Variants in GRIK2 observed in about 807,000 individuals in gnomAD.
GRIK2 encodes the protein glutamate receptor ionotropic, kainate 2.
In GRIK2, 32 loss-of-function variants were observed where a neutral mutation model predicts 100.3. That is an observed-to-expected ratio of 0.32 (90% CI 0.24 to 0.43). GRIK2 has a LOEUF of 0.43. GRIK2 is among the 20% of genes least tolerant of loss of function. The pLI is 1.00. For synonymous variants in GRIK2, 417 were observed against 389.4 expected (o/e 1.07, Z -0.83); for missense variants, 843 against 1,114.9 (o/e 0.76, Z 3.47).
rs1554269634 is a variant in GRIK2, at chr6:101,823,869, T to TTG, written c.1317+5387_1317+5388insGT. Among the ~76,000 whole-genome samples the TTG allele has an allele frequency of 6.6e-5, 10 of 150,802 alleles. 1 individual carries two copies. In the South Asian group the frequency reaches 8.4e-4, roughly 13 times the overall value. The stretch of plus-strand genomic sequence containing the variant: ...TTTACATGAGTAAGTTCTGTTTTTT[T>TTG]TTTTTTGTTTTTTTTTTTGATGGAG... On this transcript the variant is annotated intron_variant, in intron 10 of 16. Coordinates refer to ENST00000369134, the MANE Select transcript of GRIK2 (RefSeq NM_021956.5).
intron 9 of GRIK2, among the ~76,000 whole-genome samples, chr6:101,808,904 C>T (rs1262873975): frequency 1.3e-5 from 2 of 151,110 alleles, no homozygotes; most frequent in Non-Finnish European, 3.0e-5. Context: ...GTTTGTGTAT[C>T]CTTTGGGAAA....
chr6:101,529,800 A>T (rs1398861370), intron 2 of GRIK2, among the ~76,000 whole-genome samples: 1 of 152,116 alleles, frequency 6.6e-6, no homozygotes. Flanking sequence ...GATGGAGATT[A>T]TTTCTAGCTG....
intron 6 of GRIK2, among the ~76,000 whole-genome samples, chr6:101,685,915 A>G (rs1395004234): frequency 6.6e-6 from 1 of 152,146 alleles, no homozygotes; most frequent in African/African-American, 2.4e-5. Flanking sequence ...CAAATCTTAG[A>G]TGTGAGTTGT....
intron 7 of GRIK2, among the ~76,000 whole-genome samples, chr6:101,729,743 A>G (rs1218881885): frequency 1.3e-5 from 2 of 151,926 alleles, no homozygotes; most frequent in Non-Finnish European, 2.9e-5. Context: ...TGCATAAAAG[A>G]TCAATCATAG....
chr6:102,006,835 G>T lies in GRIK2; in HGVS notation c.2086-28506G>T, dbSNP rs374928936. Among the ~76,000 whole-genome samples, 9 of 151,850 alleles carry T rather than the reference G, an allele frequency of 5.9e-5. 1 individual carries two copies. Among genetic ancestry groups the T allele is most frequent in the African/African-American group, 2.2e-4 (9 of 41,408 alleles). On this transcript the variant is annotated intron_variant, in intron 14 of 16. Coordinates refer to ENST00000369134, the MANE Select transcript of GRIK2 (RefSeq NM_021956.5). The stretch of plus-strand genomic sequence containing the variant: ...AAATCGCAAATAATCATATCTTATT[G>T]TTTGATATTACTATCATAATTATCA...
intron 2 of GRIK2, among the ~76,000 whole-genome samples, chr6:101,406,379 A>T (rs1226332471): frequency 6.6e-6 from 1 of 152,154 alleles, no homozygotes; most frequent in African/African-American, 2.4e-5. Flanking sequence ...TCTTTTCTGG[A>T]TTTAGTAGAA....
chr6:101,396,781 TTTAGAAGTTC>T (rs1375684731), intron 1 of GRIK2, among the ~76,000 whole-genome samples: 5 of 152,182 alleles, frequency 3.3e-5, no homozygotes, highest in Admixed American at 6.5e-5. Flanking sequence ...TCTCCAGTCT[TTTAGAAGTTC>T]AACTGGACAG....
intron 11 of GRIK2, among the ~76,000 whole-genome samples, chr6:101,883,174 AC>A (rs779623979): frequency 2.0e-5 from 3 of 151,588 alleles, no homozygotes; most frequent in Non-Finnish European, 2.9e-5. Flanking sequence ...AAATATCCCT[AC>A]CTTTACTACT....
At chr6:101,543,574 C>T (rs778058440) in intron 2 of GRIK2, among the ~76,000 whole-genome samples, 1 of 152,068 alleles carries the variant, frequency 6.6e-6, no homozygotes, top group Non-Finnish European at 1.5e-5. Flanking sequence ...CCACTTAATC[C>T]TATTTGAAGG....
chr6:102,055,699 T>C (rs533302389), intron 16 of GRIK2, 119 bp downstream of exon 16: 5 of 662,948 alleles, frequency 7.5e-6, no homozygotes, highest in Non-Finnish European at 1.0e-5. Context: ...TTGCTCTAAA[T>C]TGTCTTATGT....
intron 2 of GRIK2, among the ~76,000 whole-genome samples, chr6:101,516,658 G>A (rs1774600863): frequency 1.3e-5 from 2 of 152,046 alleles, no homozygotes; most frequent in African/African-American, 4.8e-5. Context: ...ATCCTTTACA[G>A]TTTAAATAAA....
intron 14 of GRIK2, among the ~76,000 whole-genome samples, chr6:102,012,736 G>A (rs902025350): frequency 3.3e-5 from 5 of 152,106 alleles, no homozygotes; most frequent in Non-Finnish European, 5.9e-5. Context: ...GGTTCCAAGA[G>A]GGGGTTGTAG....
chr6:101,837,163 T>C (rs1251046995), intron 10 of GRIK2, among the ~76,000 whole-genome samples: 3 of 152,164 alleles, frequency 2.0e-5, no homozygotes, highest in South Asian at 4.1e-4. Context: ...ATGTAAACAA[T>C]AGATAGATTC....
intron 10 of GRIK2, among the ~76,000 whole-genome samples, chr6:101,837,329 G>T (rs1398345861): frequency 6.6e-6 from 1 of 152,118 alleles, no homozygotes; most frequent in Non-Finnish European, 1.5e-5. Context: ...GCTACAACAT[G>T]ATGAGTATTG....
intron 7 of GRIK2, among the ~76,000 whole-genome samples, chr6:101,760,819 A>G (rs930259614): frequency 5.5e-5 from 8 of 146,456 alleles, no homozygotes; most frequent in African/African-American, 1.8e-4. Flanking sequence ...TTATGTTGAG[A>G]TTTTTGCTTA....
intron 14 of GRIK2, among the ~76,000 whole-genome samples, chr6:102,020,093 A>G (rs542996092): frequency 2.2e-4 from 34 of 152,118 alleles, no homozygotes; most frequent in African/African-American, 7.5e-4. Flanking sequence ...GAGTCCTTAC[A>G]GGAAGTAAAT....
intron 7 of GRIK2, among the ~76,000 whole-genome samples, chr6:101,796,599 A>G (rs1780319447): frequency 6.6e-6 from 1 of 152,206 alleles, no homozygotes; most frequent in Admixed American, 6.5e-5. Context: ...ATATCATAGA[A>G]AGTATTTCAG....
At chr6:101,494,944 A>G (rs1250823952) in intron 2 of GRIK2, among the ~76,000 whole-genome samples, 1 of 134,188 alleles carries the variant, frequency 7.5e-6, no homozygotes, top group African/African-American at 2.8e-5. Context: ...AAATAAATGA[A>G]ATAAAAAGTA....
intron 2 of GRIK2, among the ~76,000 whole-genome samples, chr6:101,543,502 T>A (rs936905756): frequency 2.6e-5 from 4 of 152,200 alleles, no homozygotes; most frequent in African/African-American, 9.6e-5. Context: ...AAAGAATATC[T>A]AACATTTGTT....
Sources: allele counts gnomAD v4.1 joint callset (sites outside exome capture counted in the v4.1 genomes callset), GRCh38; gene constraint gnomAD v4.1.1; transcripts MANE v1.5; gene names NCBI Gene and HGNC (gene_info 2026-07-23, HGNC 2026-07-21).